COL21A1: variants seen among roughly 807,000 people sequenced by gnomAD.
The protein encoded by COL21A1 is collagen type XXI alpha 1 chain.
COL21A1 carries 149 observed loss-of-function variants against 137.9 expected under a neutral mutation model. That is an observed-to-expected ratio of 1.08 (90% CI 0.95 to 1.24). The LOEUF (loss-of-function observed/expected upper bound fraction) is 1.24, where lower values mean the gene tolerates loss of function less well. COL21A1 is among the 50% of genes most tolerant of loss of function. The pLI is 0.00. For synonymous variants in COL21A1, 456 were observed against 391.5 expected (o/e 1.16, Z -1.95); for missense variants, 1,167 against 1,158.4 (o/e 1.01, Z -0.11).
At chr6:56,170,904 T>G (rs1776988001) in intron 4 of COL21A1, 39 bp from the exon 5 acceptor site, 1 of 1,597,188 alleles carries the variant, frequency 6.3e-7, no homozygotes, top group Non-Finnish European at 8.5e-7. Context: ...AAAGAATTCT[T>G]GACATGTCCA....
chr6:56,353,076 G>A (rs9475680), intron 1 of COL21A1, among the ~76,000 whole-genome samples: 24,726 of 151,972 alleles, frequency 0.16, 2,149 homozygotes, highest in Non-Finnish European at 0.18. Flanking sequence ...TCTTCAGATC[G>A]TGACTCTAGT....
intron 17 of COL21A1, among the ~76,000 whole-genome samples, chr6:56,098,872 C>A (rs1205015176): frequency 6.7e-6 from 1 of 148,700 alleles, no homozygotes; most frequent in African/African-American, 2.5e-5. Context: ...CGTGCCACCA[C>A]GCCCTGCTAA....
At chr6:56,308,638 T>C (rs1463196153) in intron 1 of COL21A1, among the ~76,000 whole-genome samples, 1 of 152,168 alleles carries the variant, frequency 6.6e-6, no homozygotes, top group Non-Finnish European at 1.5e-5. Flanking sequence ...ATGAATAAGC[T>C]CTAGATATCT....
intron 1 of COL21A1, among the ~76,000 whole-genome samples, chr6:56,278,613 A>G (rs569874572): frequency 2.6e-4 from 40 of 152,308 alleles, no homozygotes; most frequent in Admixed American, 1.2e-3. Context: ...TTCATGCAGC[A>G]TGGTATATTT....
intron 1 of COL21A1, among the ~76,000 whole-genome samples, chr6:56,366,740 G>C (rs1353259343): frequency 1.3e-5 from 2 of 152,208 alleles, no homozygotes; most frequent in African/African-American, 4.8e-5. Context: ...GTTTCTTCCA[G>C]ATGAGTGTTT....
chr6:56,149,688 C>T (rs1469519459), intron 10 of COL21A1, among the ~76,000 whole-genome samples: 1 of 152,048 alleles, frequency 6.6e-6, no homozygotes, highest in Non-Finnish European at 1.5e-5. Flanking sequence ...CTCTCTTTCT[C>T]TCAAACCCAT....
chr6:56,352,540 G>GAAA (rs5876505), intron 1 of COL21A1, among the ~76,000 whole-genome samples: 1 of 146,910 alleles, frequency 6.8e-6, no homozygotes, highest in African/African-American at 2.5e-5. Flanking sequence ...TGCAACTAAG[G>GAAA]AAAAAAAAAA....
chr6:56,249,390 A>C (rs1243310270), upstream of COL21A1, among the ~76,000 whole-genome samples: 2 of 152,240 alleles, frequency 1.3e-5, no homozygotes, highest in Non-Finnish European at 2.9e-5. Context: ...AATCAAAAAC[A>C]TATATCCACA....
At chr6:56,080,293 T>A (rs1220021297) in intron 17 of COL21A1, among the ~76,000 whole-genome samples, 1 of 151,762 alleles carries the variant, frequency 6.6e-6, no homozygotes, top group Non-Finnish European at 1.5e-5. Context: ...TGGACATATT[T>A]CCTCTACTTC....
chr6:56,232,214 T>C (rs1781614505), intron 1 of COL21A1, among the ~76,000 whole-genome samples: 1 of 151,766 alleles, frequency 6.6e-6, no homozygotes, highest in Non-Finnish European at 1.5e-5. Context: ...TACTTCCAAC[T>C]GAGTAAAAAA....
At chr6:56,099,008 C>A (rs1445699363) in intron 17 of COL21A1, among the ~76,000 whole-genome samples, 2 of 150,834 alleles carry the variant, frequency 1.3e-5, no homozygotes, top group Non-Finnish European at 2.9e-5. Context: ...AGCCACTGCA[C>A]CCGGCCTATG....
At chr6:56,079,349 C>T (rs1302366487) in intron 17 of COL21A1, among the ~76,000 whole-genome samples, 2 of 151,730 alleles carry the variant, frequency 1.3e-5, no homozygotes, top group African/African-American at 4.8e-5. Context: ...AGCTGAATTT[C>T]TTACTAGTCT....
chr6:56,362,225 A>G (rs1418767976), intron 1 of COL21A1, among the ~76,000 whole-genome samples: 1 of 152,194 alleles, frequency 6.6e-6, no homozygotes, highest in Non-Finnish European at 1.5e-5. Context: ...GATCTCATTT[A>G]TTATATTTTA....
In COL21A1 at chr6:56,179,822, T is replaced by C; in HGVS notation, c.396A>G (p.Ser132=). The part of the protein sequence containing the change: ...FALDYLFAKS[S]RFLTKIAVVL... ...CCACTGCTATCTTAGTCAGAAATCG[T>C]GAGGACTTGGCAAAAAGGTAATCGA... The change falls in exon 3 of 30, where the codon TCA becomes TCG. Residue 132 remains serine (S), a synonymous_variant. Coordinates refer to ENST00000244728, the MANE Select transcript of COL21A1 (RefSeq NM_030820.4). The C allele has an allele frequency of 6.2e-7, 1 of 1,613,992 alleles. No homozygotes were observed. The highest frequency in any genetic ancestry group is 1.1e-5 in the South Asian group (1 of 91,086).
chr6:56,178,173 A>C (rs1053302728), intron 3 of COL21A1, among the ~76,000 whole-genome samples: 3 of 152,188 alleles, frequency 2.0e-5, no homozygotes, highest in Non-Finnish European at 4.4e-5. Context: ...ATGAATGATA[A>C]GTGAAATTTC....
At chr6:56,302,713 T>C (rs1255907633) in intron 1 of COL21A1, among the ~76,000 whole-genome samples, 5 of 151,862 alleles carry the variant, frequency 3.3e-5, no homozygotes, top group Non-Finnish European at 5.9e-5. Flanking sequence ...TCTTTTGCTG[T>C]GCAGAAGCTC....
At chr6:56,095,624 T>C (rs1769244475) in intron 17 of COL21A1, among the ~76,000 whole-genome samples, 1 of 152,198 alleles carries the variant, frequency 6.6e-6, no homozygotes, top group African/African-American at 2.4e-5. Flanking sequence ...ATGTACCGCA[T>C]GGCAGCCTCA....
rs1393700544 is a variant in COL21A1 at position 56,247,432 on chromosome 6, T to A, written c.-84A>T. The A allele has an allele frequency of 6.6e-6, 1 of 151,832 alleles. No homozygotes were observed. Among genetic ancestry groups the A allele is most frequent in the Non-Finnish European group, 1.5e-5 (1 of 68,068 alleles). The allele number at this position is 151,832 out of a possible 1,614,324, so 9.4% of individuals were successfully genotyped here. The stretch of plus-strand genomic sequence containing the variant: ...GGGGTTGCCGTCGCAGCCAGCTGAG[T>A]GTTGCGCCAGGGGGACAGGTATGTT... On this transcript the variant is annotated 5_prime_UTR_variant, in exon 1 of 30. Coordinates refer to ENST00000244728, the MANE Select transcript of COL21A1 (RefSeq NM_030820.4).
intron 1 of COL21A1, among the ~76,000 whole-genome samples, chr6:56,378,557 G>A (rs879513446): frequency 2.0e-5 from 3 of 152,162 alleles, no homozygotes; most frequent in Admixed American, 6.5e-5. Flanking sequence ...GCTCAGCTGC[G>A]GTACAATAGA....
Sources: gnomAD v4.1 joint callset for allele counts (sites outside exome capture counted in the v4.1 genomes callset) on GRCh38, gnomAD v4.1.1 for gene constraint, MANE v1.5 for transcripts, NCBI Gene and HGNC (gene_info 2026-07-23, HGNC 2026-07-21) for gene names.